ARFGEF2: variants seen among roughly 807,000 people sequenced by gnomAD.
ARFGEF2 encodes the protein ARF guanine nucleotide exchange factor 2.
A neutral mutation model predicts 219.9 loss-of-function variants in ARFGEF2; 74 were observed. The ratio of observed to expected loss-of-function variants is 0.34; its 90% confidence interval spans 0.28 to 0.41. The LOEUF is 0.41. ARFGEF2 is among the 10% of genes least tolerant of loss of function. The pLI is 1.00. For synonymous variants in ARFGEF2, 733 were observed against 799.2 expected (o/e 0.92, Z 1.40); for missense variants, 1,743 against 2,218.3 (o/e 0.79, Z 4.30).
Position 48,965,868 on chromosome 20 carries a change from T to C in ARFGEF2, c.908-4T>C. On this transcript the variant is annotated splice_polypyrimidine_tract_variant and splice_region_variant and intron_variant, in intron 7 of 38. Coordinates refer to ENST00000371917, the MANE Select transcript of ARFGEF2 (RefSeq NM_006420.3). ...TGGCTATGACTTTGTACTTGTGTTT[T>C]AAGAAGCAGCGGAAAAGCATGGTCT... is the stretch of plus-strand genomic sequence containing the variant. 6.2e-7 allele frequency: 1 copy of C among 1,614,142 alleles called. No homozygotes were observed. Among genetic ancestry groups the C allele is most frequent in the Non-Finnish European group, 8.5e-7 (1 of 1,179,998 alleles).
intron 13 of ARFGEF2, among the ~76,000 whole-genome samples, chr20:48,975,726 G>T (rs1414618981): frequency 1.4e-5 from 2 of 147,368 alleles, no homozygotes; most frequent in Non-Finnish European, 3.0e-5. Context: ...GCTTGAACCT[G>T]TGAGGTGGAG....
At chr20:49,027,979 T>A (rs1020233351) in intron 36 of ARFGEF2, among the ~76,000 whole-genome samples, 6 of 151,830 alleles carry the variant, frequency 4.0e-5, no homozygotes, top group Admixed American at 3.3e-4. Flanking sequence ...ACTAAAAAAT[T>A]AGCTGGGTGC....
At chr20:48,947,598 C>T (rs748512224) in intron 3 of ARFGEF2, among the ~76,000 whole-genome samples, 3 of 150,480 alleles carry the variant, frequency 2.0e-5, no homozygotes, top group Non-Finnish European at 4.4e-5. Context: ...CAGTAGCTCA[C>T]GCCTGTAATC....
rs2090840555 is a variant in ARFGEF2 at position 48,921,758 on chromosome 20, G to A, written c.-132G>A. 2 of 965,552 alleles carry A rather than the reference G, an allele frequency of 2.1e-6. No individual in the cohort carries two copies. The allele number at this position is 965,552 out of a possible 1,614,324, so 59.8% of individuals were successfully genotyped here. A position where few individuals can be genotyped will look rare whatever the true frequency, so the allele number is the denominator to read the frequency against. On this transcript the variant is annotated 5_prime_UTR_variant, in exon 1 of 39. The change creates a new upstream start codon in the 5' untranslated region. Coordinates refer to ENST00000371917, the MANE Select transcript of ARFGEF2 (RefSeq NM_006420.3). ...AACATGGCGGCGCCGTGGGGCCGAGGTGTCGCTTCCTGACGGGGCGGCGCG... is the reference window on the plus strand; with the variant it reads ...AACATGGCGGCGCCGTGGGGCCGAGATGTCGCTTCCTGACGGGGCGGCGCG...
chr20:49,024,762 G>A (rs2091590873), intron 35 of ARFGEF2, among the ~76,000 whole-genome samples: 1 of 152,158 alleles, frequency 6.6e-6, no homozygotes, highest in African/African-American at 2.4e-5. Context: ...CACTTTGGGA[G>A]GCCGAGGCAG....
rs148696485 is a variant in ARFGEF2, at chr20:49,006,053, T to C, written c.3584+832T>C. Among the ~76,000 whole-genome samples, 68 of 152,178 alleles carry C rather than the reference T, an allele frequency of 4.5e-4. No homozygotes were observed. In the East Asian group the frequency reaches 0.012, roughly 28 times the overall value. ...GCTCATGCCTGTAATCCCAACACTTTGGGAGGCCGAGTCAGGTGGATCACC... is the reference window on the plus strand; with the variant it reads ...GCTCATGCCTGTAATCCCAACACTTCGGGAGGCCGAGTCAGGTGGATCACC... On this transcript the variant is annotated intron_variant, in intron 26 of 38. Transcript: ENST00000371917.
chr20:48,985,760 A>AT, intron 16 of ARFGEF2, 147 bp downstream of exon 16: 1 of 868,034 alleles, frequency 1.2e-6, no homozygotes, highest in South Asian at 1.4e-5. Flanking sequence ...GTGCTAAGGG[A>AT]TTATTTCACA....
intron 26 of ARFGEF2, among the ~76,000 whole-genome samples, chr20:49,008,750 C>G (rs2091478735): frequency 6.7e-6 from 1 of 148,354 alleles, no homozygotes; most frequent in Non-Finnish European, 1.5e-5. Flanking sequence ...CCCTGTCGCC[C>G]AGGCTGGAGT....
chr20:48,979,749 T>C (rs1317819041), intron 14 of ARFGEF2, among the ~76,000 whole-genome samples: 2 of 152,370 alleles, frequency 1.3e-5, no homozygotes, highest in Non-Finnish European at 2.9e-5. Flanking sequence ...CTAGATTTTC[T>C]AGTTTATTTG....
intron 8 of ARFGEF2, among the ~76,000 whole-genome samples, chr20:48,967,949 C>T (rs2091198888): frequency 6.6e-6 from 1 of 151,964 alleles, no homozygotes; most frequent in Admixed American, 6.6e-5. Context: ...ATTATGAGAA[C>T]TTTTATATGT....
At chr20:49,025,612 G>A in intron 36 of ARFGEF2, 131 bp downstream of exon 36, 2 of 1,021,862 alleles carry the variant, frequency 2.0e-6, no homozygotes, top group Non-Finnish European at 3.0e-6. Flanking sequence ...GCTTGAGGGG[G>A]AGAGAAGGGA....
At chr20:48,969,421 C>A in intron 9 of ARFGEF2, 144 bp downstream of exon 9, 1 of 1,424,010 alleles carries the variant, frequency 7.0e-7, no homozygotes, top group Non-Finnish European at 9.7e-7. Flanking sequence ...TACAACTTTT[C>A]AGACTCATGC....
chr20:48,943,195 T>G (rs1220201987), intron 3 of ARFGEF2, among the ~76,000 whole-genome samples: 1 of 152,204 alleles, frequency 6.6e-6, no homozygotes, highest in Non-Finnish European at 1.5e-5. Context: ...AGTGTTGCCT[T>G]GTTTGACCTC....
intron 14 of ARFGEF2, among the ~76,000 whole-genome samples, chr20:48,977,704 G>A (rs944235527): frequency 6.6e-6 from 1 of 152,186 alleles, no homozygotes; most frequent in Non-Finnish European, 1.5e-5. Context: ...TTGTGGTTTG[G>A]ATTTGCATTT....
chr20:49,004,815 A>T (rs750364867), intron 25 of ARFGEF2, among the ~76,000 whole-genome samples: 7 of 152,162 alleles, frequency 4.6e-5, no homozygotes, highest in Non-Finnish European at 4.4e-5. Flanking sequence ...AATAATAATA[A>T]AATGAAATTT....
rs141624124 is a variant in ARFGEF2 at position 48,967,035 on chromosome 20, G to C, written c.1059+1012G>C. On this transcript the variant is annotated intron_variant, in intron 8 of 38. Transcript: ENST00000371917. The stretch of plus-strand genomic sequence containing the variant: ...CTAATTTTTTATTATTATTTGTAGA[G>C]ACATGGTCTCACTATATTGCCCAGG... 4.5e-3 allele frequency among the ~76,000 whole-genome samples: 690 copies of C among 152,242 alleles called. 2 individuals carry two copies. Among genetic ancestry groups the C allele is most frequent in the African/African-American group, 0.016 (655 of 41,542 alleles).
intron 3 of ARFGEF2, among the ~76,000 whole-genome samples, chr20:48,945,214 A>G (rs1200300416): frequency 6.6e-6 from 1 of 152,084 alleles, no homozygotes; most frequent in Admixed American, 6.6e-5. Context: ...TTCAACATAC[A>G]AATTTTAGGG....
At chr20:48,925,793 T>C (rs1306617136) in intron 1 of ARFGEF2, among the ~76,000 whole-genome samples, 2 of 152,118 alleles carry the variant, frequency 1.3e-5, no homozygotes, top group Non-Finnish European at 2.9e-5. Flanking sequence ...GTTGAGATCA[T>C]GCCATTGCAC....
chr20:49,031,269 G>A (rs1020600077), intron 37 of ARFGEF2, among the ~76,000 whole-genome samples: 7 of 115,326 alleles, frequency 6.1e-5, no homozygotes, highest in Non-Finnish European at 3.2e-5. Context: ...TCACTCTATC[G>A]CCCAGGCTGG....
Sources: allele counts gnomAD v4.1 joint callset (sites outside exome capture counted in the v4.1 genomes callset), GRCh38; gene constraint gnomAD v4.1.1; transcripts MANE v1.5; gene names NCBI Gene and HGNC (gene_info 2026-07-23, HGNC 2026-07-21).